Variants in ATP8A2 observed in about 807,000 individuals in gnomAD.
ATP8A2 encodes phospholipid-transporting ATPase IB.
A neutral mutation model predicts 165.6 loss-of-function variants in ATP8A2; 100 were observed. The observed-to-expected ratio is 0.60, with a 90% CI of 0.51 to 0.71. ATP8A2 has a LOEUF of 0.71. Ranked by LOEUF, ATP8A2 falls within the 30% of genes least tolerant of loss-of-function variation. ATP8A2 has a pLI of 0.00. For missense variants in ATP8A2, 1,227 were observed against 1,479.5 expected (o/e 0.83, Z 2.80); for synonymous variants, 543 against 548.8 (o/e 0.99, Z 0.15).
intron 30 of ATP8A2, among the ~76,000 whole-genome samples, chr13:25,840,837 A>C (rs375476974): frequency 1.3e-5 from 2 of 152,254 alleles, no homozygotes; most frequent in Admixed American, 6.5e-5. Flanking sequence ...TCTGATGAGC[A>C]TAAGAGAAAT....
intron 2 of ATP8A2, among the ~76,000 whole-genome samples, chr13:25,519,593 A>G (rs75041832): frequency 1.5e-3 from 228 of 152,134 alleles, no homozygotes; most frequent in Middle Eastern, 6.8e-3. Context: ...CACTGGCCTC[A>G]TGTTTAGAGG....
At chr13:25,830,860 A>G (rs1951443086) in intron 28 of ATP8A2, among the ~76,000 whole-genome samples, 1 of 152,238 alleles carries the variant, frequency 6.6e-6, no homozygotes, top group Non-Finnish European at 1.5e-5. Flanking sequence ...TTTAGTCAAT[A>G]GTAGCAAGAG....
chr13:25,839,407 C>A, intron 29 of ATP8A2, 139 bp from the exon 30 acceptor site: 36 of 491,154 alleles, frequency 7.3e-5, no homozygotes, highest in East Asian at 9.9e-5. Context: ...TTTTTTTTTT[C>A]AAATTCAAGA....
chr13:25,843,915 G>A lies in ATP8A2; in HGVS notation c.2956+4291G>A, dbSNP rs985894. On this transcript the variant is annotated intron_variant, in intron 30 of 36. Transcript: ENST00000381655. The stretch of plus-strand genomic sequence containing the variant: ...ATCACTAACACCTGGCGGAGGGGGG[G>A]ACTTTTTCTCAGGGCAGGGTTGGAG... Among the ~76,000 whole-genome samples the A allele has an allele frequency of 5.3e-5, 8 of 152,158 alleles. No individual in the cohort carries two copies. The East Asian group carries it at 1.2e-3, about 22-fold the overall frequency.
intron 33 of ATP8A2, among the ~76,000 whole-genome samples, chr13:25,942,482 G>T (rs983786793): frequency 1.8e-4 from 27 of 152,174 alleles, no homozygotes; most frequent in African/African-American, 6.5e-4. Context: ...GAGTGCAGTG[G>T]CATGATCTTG....
chr13:25,500,662 C>T (rs186239390), intron 2 of ATP8A2, among the ~76,000 whole-genome samples: 41 of 152,160 alleles, frequency 2.7e-4, no homozygotes, highest in African/African-American at 9.6e-4. Context: ...CTTGGCTTAC[C>T]CCAACCTCCA....
rs374885507 is a variant in ATP8A2, at chr13:25,555,008, T to C, written c.1203T>C (p.Tyr401=). The change falls in exon 13 of 37, where the codon TAT becomes TAC. Residue 401 remains tyrosine, a synonymous_variant. Coordinates refer to ENST00000381655, the MANE Select transcript of ATP8A2 (RefSeq NM_016529.6). ...TCTCTCAGGACACAGATATGTATTA[T>C]ATAGGAAATGACACTCCTGCCATGG... ...LFINWDTDMY[Y]IGNDTPAMAR... 44 of 1,608,814 alleles carry C rather than the reference T, an allele frequency of 2.7e-5. No homozygotes were observed. In the African/African-American group the frequency reaches 3.6e-4, roughly 13 times the overall value.
intron 33 of ATP8A2, among the ~76,000 whole-genome samples, chr13:25,903,526 C>T (rs1953832831): frequency 6.6e-6 from 1 of 152,220 alleles, no homozygotes; most frequent in Admixed American, 6.5e-5. Flanking sequence ...CTTGCCGTGG[C>T]TTCTGGCCTC....
intron 2 of ATP8A2, among the ~76,000 whole-genome samples, chr13:25,527,818 G>A (rs970472161): frequency 1.3e-5 from 2 of 152,146 alleles, no homozygotes; most frequent in African/African-American, 4.8e-5. Flanking sequence ...AGTGGAAAAT[G>A]TTCATATATA....
chr13:25,384,372 G>A (rs2032963801), intron 1 of ATP8A2, among the ~76,000 whole-genome samples: 1 of 152,142 alleles, frequency 6.6e-6, no homozygotes, highest in Admixed American at 6.5e-5. Flanking sequence ...TTTTTGGGGA[G>A]AAGTCCTCTT....
chr13:25,678,564 T>C (rs1286458774), intron 24 of ATP8A2, among the ~76,000 whole-genome samples: 1 of 151,964 alleles, frequency 6.6e-6, no homozygotes, highest in Non-Finnish European at 1.5e-5. Context: ...AGGGCAGGAC[T>C]GGTGGAGTCA....
chr13:25,966,029 GAAA>G (rs61635155), intron 34 of ATP8A2, among the ~76,000 whole-genome samples: 2 of 133,556 alleles, frequency 1.5e-5, no homozygotes, highest in Non-Finnish European at 1.6e-5. Flanking sequence ...AAGAGTTTCA[GAAA>G]AAAAAAAAAA....
chr13:25,735,541 G>A (rs1414245955), intron 25 of ATP8A2, among the ~76,000 whole-genome samples: 2 of 151,766 alleles, frequency 1.3e-5, no homozygotes, highest in African/African-American at 4.8e-5. Context: ...GATTATAGGC[G>A]TGAACCTCCA....
At chr13:25,513,290 C>T (rs1488224464) in intron 2 of ATP8A2, among the ~76,000 whole-genome samples, 6 of 151,826 alleles carry the variant, frequency 4.0e-5, no homozygotes, top group African/African-American at 7.3e-5. Flanking sequence ...GGGTCGCGGC[C>T]GGGTAGGGGT....
chr13:25,665,409 T>C (rs2042131553), intron 24 of ATP8A2, among the ~76,000 whole-genome samples: 1 of 152,038 alleles, frequency 6.6e-6, no homozygotes, highest in Non-Finnish European at 1.5e-5. Flanking sequence ...CTGGGTAACA[T>C]AGGGAGATCC....
chr13:25,561,433 T>G (rs2039151233), intron 15 of ATP8A2, among the ~76,000 whole-genome samples: 1 of 152,146 alleles, frequency 6.6e-6, no homozygotes. Context: ...TCATGAGTTT[T>G]CTGTGTGATC....
In ATP8A2 at chr13:25,752,868, G is replaced by A. The variant is rs868276101; in HGVS notation, c.2385-16178G>A. On this transcript the variant is annotated intron_variant, in intron 25 of 36. Coordinates refer to ENST00000381655, the MANE Select transcript of ATP8A2 (RefSeq NM_016529.6). ...GGTCTCAGAACTAGCTCAGGGCAAGGCTCCTCTGATTTTTCTTTCTAACTC... is the reference window on the plus strand; with the variant it reads ...GGTCTCAGAACTAGCTCAGGGCAAGACTCCTCTGATTTTTCTTTCTAACTC... 8.5e-5 allele frequency among the ~76,000 whole-genome samples: 13 copies of A among 152,288 alleles called. 1 individual carries two copies. The Middle Eastern group carries it at 0.01, about 120-fold the overall frequency.
chr13:25,541,653 T>A (rs1345103201), intron 8 of ATP8A2, among the ~76,000 whole-genome samples: 1 of 152,252 alleles, frequency 6.6e-6, no homozygotes, highest in Non-Finnish European at 1.5e-5. Flanking sequence ...TGTTAATTAT[T>A]ACTTATGCAC....
At chr13:25,997,073 C>G (rs1186318512) in intron 35 of ATP8A2, among the ~76,000 whole-genome samples, 4 of 152,340 alleles carry the variant, frequency 2.6e-5, no homozygotes, top group Non-Finnish European at 5.9e-5. Flanking sequence ...CCTGCCTTGG[C>G]CTCCCAAAGT....
Sources: gnomAD v4.1 joint callset for allele counts (sites outside exome capture counted in the v4.1 genomes callset) on GRCh38, gnomAD v4.1.1 for gene constraint, MANE v1.5 for transcripts, NCBI Gene and HGNC (gene_info 2026-07-23, HGNC 2026-07-21) for gene names.